RAD51B: variants seen among roughly 807,000 people sequenced by gnomAD.
The protein encoded by RAD51B is RAD51 paralog B, also known as DNA repair protein RAD51 homolog 2.
RAD51B carries 38 observed loss-of-function variants against 42.2 expected under a neutral mutation model. The ratio of observed to expected loss-of-function variants is 0.90; its 90% CI spans 0.70 to 1.18. The LOEUF is 1.18. Among genes scored for constraint, RAD51B ranks in the 50% most tolerant of loss-of-function variants. RAD51B has a pLI of 0.00. For synonymous variants in RAD51B, 154 were observed against 145.2 expected (o/e 1.06, Z -0.43); for missense variants, 373 against 400.7 (o/e 0.93, Z 0.59).
At chr14:68,320,744 G>A (rs1318399674) in intron 8 of RAD51B, among the ~76,000 whole-genome samples, 1 of 152,180 alleles carries the variant, frequency 6.6e-6, no homozygotes, top group Non-Finnish European at 1.5e-5. Flanking sequence ...GGTCAAACTG[G>A]GAAAGTTTAT....
At chr14:68,137,765 A>G (rs1188051592) in intron 7 of RAD51B, among the ~76,000 whole-genome samples, 3 of 152,200 alleles carry the variant, frequency 2.0e-5, no homozygotes, top group African/African-American at 7.2e-5. Context: ...TTTCAAAACT[A>G]CTGAAGCCCT....
rs188854829 is a variant in RAD51B at position 68,656,143 on chromosome 14, G to C, written c.*11+5287G>C. Reference sequence around the variant, plus strand: ...AGGCATTGACAGCACCATGTACAAGGGGCTCGGGCTGGGCAAAACCAGATT... The same window carrying C: ...AGGCATTGACAGCACCATGTACAAGCGGCTCGGGCTGGGCAAAACCAGATT... On this transcript the variant is annotated intron_variant, in intron 11 of 11. Transcript: ENST00000488612. Among the ~76,000 whole-genome samples, 307 of 152,258 alleles carry C rather than the reference G, an allele frequency of 2.0e-3. 3 individuals carry two copies. The highest frequency in any genetic ancestry group is 3.6e-3 in the Non-Finnish European group (248 of 68,024).
At chr14:68,113,292 G>T (rs1351749716) in intron 7 of RAD51B, among the ~76,000 whole-genome samples, 4 of 151,974 alleles carry the variant, frequency 2.6e-5, no homozygotes, top group Admixed American at 2.6e-4. Flanking sequence ...ACCCATCGAA[G>T]AAAACAACTC....
chr14:68,115,480 G>T (rs1235610907), intron 7 of RAD51B, among the ~76,000 whole-genome samples: 8 of 131,332 alleles, frequency 6.1e-5, no homozygotes, highest in Non-Finnish European at 1.1e-4. Flanking sequence ...CACCAGCATG[G>T]CACATGTATA....
chr14:68,615,629 G>A (rs1175102331), downstream of RAD51B, among the ~76,000 whole-genome samples: 2 of 152,206 alleles, frequency 1.3e-5, no homozygotes, highest in African/African-American at 2.4e-5. Context: ...ACAGGCGTGA[G>A]CCACTGCACC....
chr14:68,620,731 T>A (rs1365183358), intron 10 of RAD51B, among the ~76,000 whole-genome samples: 1 of 152,254 alleles, frequency 6.6e-6, no homozygotes, highest in Non-Finnish European at 1.5e-5. Flanking sequence ...AAGTTTATTT[T>A]CCCTATATCC....
intron 7 of RAD51B, among the ~76,000 whole-genome samples, chr14:67,920,522 A>G (rs2044288972): frequency 6.6e-6 from 1 of 152,242 alleles, no homozygotes; most frequent in South Asian, 2.1e-4. Context: ...CAGTTAATAT[A>G]TGCACAGATA....
intron 7 of RAD51B, among the ~76,000 whole-genome samples, chr14:68,218,311 A>G (rs2079855910): frequency 6.6e-6 from 1 of 152,232 alleles, no homozygotes. Flanking sequence ...GGGGTTAGGA[A>G]AAAGATATAA....
chr14:68,595,799 CAG>C, exon 11 of RAD51B: 1 of 370,294 alleles, frequency 2.7e-6, no homozygotes, highest in Non-Finnish European at 4.1e-6. Context: ...AGAGAAAAAA[CAG>C]ATTATAAAGC....
chr14:68,526,898 G>A (rs945938284), intron 10 of RAD51B, among the ~76,000 whole-genome samples: 4 of 152,174 alleles, frequency 2.6e-5, no homozygotes, highest in Non-Finnish European at 5.9e-5. Context: ...GCTTGCTTTG[G>A]ACAGAGGCCA....
intron 7 of RAD51B, among the ~76,000 whole-genome samples, chr14:68,139,862 G>A (rs2078090855): frequency 6.6e-6 from 1 of 152,150 alleles, no homozygotes; most frequent in Non-Finnish European, 1.5e-5. Flanking sequence ...TGTTTTTGGC[G>A]AGGACAGGCT....
intron 7 of RAD51B, among the ~76,000 whole-genome samples, chr14:67,921,459 A>G (rs2044319077): frequency 1.3e-5 from 2 of 152,016 alleles, no homozygotes; most frequent in South Asian, 4.1e-4. Flanking sequence ...ATAAGCAAAT[A>G]TTTTTCCCTC....
In RAD51B at chr14:67,889,976, A is replaced by G. The variant is rs11847264; in HGVS notation, c.756+2772A>G. On this transcript the variant is annotated intron_variant, in intron 7 of 10. Coordinates refer to ENST00000471583, the MANE Select transcript of RAD51B (RefSeq NM_133510.4). Reference sequence around the variant, plus strand: ...GAGGAGGTGTAAGTGATACTCTGCCATTGGGATGGAAGATGCGGAACCTTT... The same window carrying G: ...GAGGAGGTGTAAGTGATACTCTGCCGTTGGGATGGAAGATGCGGAACCTTT... Among the ~76,000 whole-genome samples the G allele has an allele frequency of 8.2e-3, 1,250 of 152,302 alleles. 18 individuals are homozygous for G. The highest frequency in any genetic ancestry group is 0.029 in the African/African-American group (1,204 of 41,558).
intron 9 of RAD51B, among the ~76,000 whole-genome samples, chr14:68,417,816 A>G (rs1490921836): frequency 4.6e-5 from 7 of 152,232 alleles, no homozygotes; most frequent in African/African-American, 9.6e-5. Context: ...AAAAAAGTCA[A>G]TATATCCAAG....
intron 10 of RAD51B, among the ~76,000 whole-genome samples, chr14:68,530,469 A>AAAAAAG (rs1887225885): frequency 7.3e-6 from 1 of 136,932 alleles, no homozygotes; most frequent in Non-Finnish European, 1.6e-5. Flanking sequence ...AAAAAAAAAA[A>AAAAAAG]GAGATAAAGA....
chr14:68,441,484 A>G (rs544954167), intron 9 of RAD51B, among the ~76,000 whole-genome samples: 2 of 118,282 alleles, frequency 1.7e-5, no homozygotes, highest in Non-Finnish European at 3.7e-5. Flanking sequence ...GGAGTTTGCA[A>G]TGAGCCAAGA....
At chr14:68,129,869 G>A (rs2077848581) in intron 7 of RAD51B, among the ~76,000 whole-genome samples, 1 of 152,174 alleles carries the variant, frequency 6.6e-6, no homozygotes, top group African/African-American at 2.4e-5. Flanking sequence ...AGTGATGCTG[G>A]TTGGGGAACA....
At chr14:68,507,743 G>T (rs574115942) in intron 10 of RAD51B, among the ~76,000 whole-genome samples, 2 of 152,294 alleles carry the variant, frequency 1.3e-5, no homozygotes, top group African/African-American at 4.8e-5. Flanking sequence ...TCACTCCTCA[G>T]CATAGCTCAG....
At chr14:68,629,900 G>A (rs1892184761) in intron 10 of RAD51B, among the ~76,000 whole-genome samples, 1 of 152,210 alleles carries the variant, frequency 6.6e-6, no homozygotes, top group Non-Finnish European at 1.5e-5. Context: ...GCAAATGAAG[G>A]AACTTGTCCA....
Sources: gnomAD v4.1 joint callset for allele counts (sites outside exome capture counted in the v4.1 genomes callset) on GRCh38, gnomAD v4.1.1 for gene constraint, MANE v1.5 for transcripts, NCBI Gene and HGNC (gene_info 2026-07-23, HGNC 2026-07-21) for gene names.